Variants in HDAC9 observed in about 807,000 individuals in gnomAD.
The protein encoded by HDAC9 is MEF-2 interacting transcription repressor (MITR) protein.
Under a neutral mutation model 139.4 loss-of-function variants are expected in HDAC9, and 41 were observed. The ratio of observed to expected loss-of-function variants is 0.29; its 90% CI spans 0.23 to 0.38. The LOEUF (loss-of-function observed/expected upper bound fraction) is 0.38, where lower values mean the gene tolerates loss of function less well. Among genes scored for constraint, HDAC9 ranks in the 10% least tolerant of loss-of-function variants. HDAC9 has a pLI of 1.00. For synonymous variants in HDAC9, 517 were observed against 476.2 expected (o/e 1.09, Z -1.12); for missense variants, 1,147 against 1,297.0 (o/e 0.88, Z 1.78).
chr7:18,702,755 T>C (rs971698440), intron 12 of HDAC9, among the ~76,000 whole-genome samples: 1 of 152,208 alleles, frequency 6.6e-6, no homozygotes, highest in African/African-American at 2.4e-5. Context: ...AATTACCATT[T>C]CCCTCTGGCC....
intron 21 of HDAC9, among the ~76,000 whole-genome samples, chr7:18,838,160 T>C (rs1333690963): frequency 1.3e-5 from 2 of 152,078 alleles, no homozygotes; most frequent in Admixed American, 6.6e-5. Context: ...GGTAAGTCAT[T>C]CATTTCAAAA....
intron 2 of HDAC9, among the ~76,000 whole-genome samples, chr7:18,170,541 T>G (rs1271243915): frequency 6.9e-6 from 1 of 145,384 alleles, no homozygotes; most frequent in Non-Finnish European, 1.5e-5. Flanking sequence ...TGAATGGTAT[T>G]GCCTAGGTTT....
intron 22 of HDAC9, among the ~76,000 whole-genome samples, chr7:18,898,920 A>G (rs549976044): frequency 1.6e-4 from 25 of 152,104 alleles, no homozygotes; most frequent in African/African-American, 5.5e-4. Context: ...AAGAAATACT[A>G]ACTCATAAAA....
chr7:18,964,932 CA>C (rs1276672275), intron 24 of HDAC9, among the ~76,000 whole-genome samples: 1 of 152,182 alleles, frequency 6.6e-6, no homozygotes. Context: ...GTGATAGAAA[CA>C]ATCCTTTGAA....
intron 22 of HDAC9, among the ~76,000 whole-genome samples, chr7:18,897,891 C>T (rs1422069132): frequency 6.8e-6 from 1 of 146,080 alleles, no homozygotes; most frequent in Non-Finnish European, 1.6e-5. Context: ...GGATCCAATG[C>T]TTTTAAATAT....
intron 12 of HDAC9, among the ~76,000 whole-genome samples, chr7:18,673,398 C>G (rs1378711756): frequency 6.6e-6 from 1 of 151,984 alleles, no homozygotes; most frequent in Non-Finnish European, 1.5e-5. Flanking sequence ...CCACATGTAC[C>G]TATTGAACGT....
intron 1 of HDAC9, among the ~76,000 whole-genome samples, chr7:18,148,786 G>A (rs1786537735): frequency 6.6e-6 from 1 of 152,072 alleles, no homozygotes. Flanking sequence ...TAGAATCCTT[G>A]TGAATGCGTT....
Position 18,947,564 on chromosome 7 carries a change from C to A in HDAC9, c.2938-6582C>A, listed in dbSNP as rs953892654. ...CTTGCAAGACTGAATAAAAATACAG[C>A]AAATGTGAGTGGTTCTTTAATTACT... On this transcript the variant is annotated intron_variant, in intron 23 of 25. Coordinates refer to ENST00000686413, the MANE Select transcript of HDAC9 (RefSeq NM_178425.4). Among the ~76,000 whole-genome samples the A allele has an allele frequency of 4.6e-5, 7 of 151,860 alleles. 1 individual carries two copies. Among genetic ancestry groups the A allele is most frequent in the African/African-American group, 1.7e-4 (7 of 41,428 alleles).
At chr7:18,918,506 T>A (rs1238984552) in intron 22 of HDAC9, among the ~76,000 whole-genome samples, 1 of 152,074 alleles carries the variant, frequency 6.6e-6, no homozygotes, top group African/African-American at 2.4e-5. Context: ...TTACTCAGGT[T>A]AAGAATAGAC....
chr7:18,677,181 A>G (rs1584819191), intron 12 of HDAC9, among the ~76,000 whole-genome samples: 6 of 151,996 alleles, frequency 3.9e-5, no homozygotes, highest in Non-Finnish European at 1.5e-5. Flanking sequence ...TGTTATTCTG[A>G]CACTATATAT....
chr7:18,874,789 A>C (rs1799194817), intron 22 of HDAC9, among the ~76,000 whole-genome samples, 193 bp downstream of exon 22: 1 of 152,154 alleles, frequency 6.6e-6, no homozygotes, highest in African/African-American at 2.4e-5. Flanking sequence ...ACAAAGTTAA[A>C]GTGCTTTGTT....
At chr7:18,375,962 A>G (rs1231555959) in intron 1 of HDAC9, among the ~76,000 whole-genome samples, 1 of 152,190 alleles carries the variant, frequency 6.6e-6, no homozygotes, top group Non-Finnish European at 1.5e-5. Flanking sequence ...TACAATTTCC[A>G]TTGTAATAGT....
At chr7:18,862,656 A>T (rs1798198639) in intron 21 of HDAC9, among the ~76,000 whole-genome samples, 1 of 152,138 alleles carries the variant, frequency 6.6e-6, no homozygotes, top group African/African-American at 2.4e-5. Flanking sequence ...TCAGAGGAAG[A>T]TGGTTAGAGA....
At chr7:18,445,707 T>C (rs971343139) in intron 1 of HDAC9, among the ~76,000 whole-genome samples, 13 of 152,216 alleles carry the variant, frequency 8.5e-5, no homozygotes, top group African/African-American at 2.9e-4. Flanking sequence ...TGTTTATAGA[T>C]AGCCATGAAA....
At chr7:18,771,195 T>A (rs372457605) in intron 16 of HDAC9, among the ~76,000 whole-genome samples, 63 of 152,244 alleles carry the variant, frequency 4.1e-4, no homozygotes, top group African/African-American at 1.5e-3. Context: ...TGAAGGCACC[T>A]TCTCCAGCAG....
At position 18,654,022 on chromosome 7, in the gene HDAC9, C is replaced by T. The variant is rs1464337778; in HGVS notation, c.1467+5339C>T. 2.6e-5 allele frequency among the ~76,000 whole-genome samples: 4 copies of T among 152,008 alleles called. No individual in the cohort carries two copies. The East Asian group carries it at 7.8e-4, about 29-fold the overall frequency. On this transcript the variant is annotated intron_variant, in intron 11 of 25. Coordinates refer to ENST00000686413, the MANE Select transcript of HDAC9 (RefSeq NM_178425.4). The stretch of plus-strand genomic sequence containing the variant: ...TTAATGTGTTGCCTTGTGAAGTGTC[C>T]CTGAAGGCAGTTATAATGTAGAACT...
intron 23 of HDAC9, among the ~76,000 whole-genome samples, chr7:18,951,705 T>G (rs1782807145): frequency 1.3e-5 from 2 of 151,936 alleles, no homozygotes; most frequent in Admixed American, 1.3e-4. Flanking sequence ...AGCAAAACTT[T>G]ACCACATATT....
chr7:18,632,965 T>TAC (rs1562666778), intron 7 of HDAC9, among the ~76,000 whole-genome samples: 1 of 152,040 alleles, frequency 6.6e-6, no homozygotes, highest in African/African-American at 2.4e-5. Context: ...TTAAAATACA[T>TAC]ACATTGAGTT....
intron 2 of HDAC9, among the ~76,000 whole-genome samples, chr7:18,235,839 T>C (rs1307086136): frequency 6.6e-6 from 1 of 152,192 alleles, no homozygotes; most frequent in East Asian, 1.9e-4. Context: ...TTCTCTTCAC[T>C]GTATACTGGA....
Sources: allele counts gnomAD v4.1 joint callset (sites outside exome capture counted in the v4.1 genomes callset), GRCh38; gene constraint gnomAD v4.1.1; transcripts MANE v1.5; gene names NCBI Gene and HGNC (gene_info 2026-07-23, HGNC 2026-07-21).